DRD2: variants seen among roughly 807,000 people sequenced by gnomAD.
DRD2 encodes the protein dopamine receptor D2.
DRD2 carries 8 observed loss-of-function variants against 38.0 expected under a neutral mutation model. The observed-to-expected ratio is 0.21, with a 90% CI of 0.12 to 0.38. DRD2 has a LOEUF of 0.38. Ranked by LOEUF, DRD2 falls within the 10% of genes least tolerant of loss-of-function variation. The pLI, the probability that DRD2 is intolerant of heterozygous loss-of-function variation, is 1.00. For missense variants in DRD2, 403 were observed against 607.7 expected (o/e 0.66, Z 3.54); for synonymous variants, 230 against 238.6 (o/e 0.96, Z 0.33).
intron 1 of DRD2, among the ~76,000 whole-genome samples, chr11:113,426,773 C>A (rs1950944844): frequency 6.6e-6 from 1 of 152,184 alleles, no homozygotes; most frequent in African/African-American, 2.4e-5. Flanking sequence ...TGCCACCACG[C>A]AGCAAATCTT....
At chr11:113,457,312 T>A (rs557215531) in intron 1 of DRD2, among the ~76,000 whole-genome samples, 32 of 152,114 alleles carry the variant, frequency 2.1e-4, no homozygotes, top group Non-Finnish European at 3.2e-4. Context: ...TATCCACTCA[T>A]CCAATTACAG....
intron 1 of DRD2, among the ~76,000 whole-genome samples, chr11:113,463,526 G>A (rs1375326501): frequency 2.6e-5 from 4 of 152,078 alleles, no homozygotes; most frequent in Non-Finnish European, 5.9e-5. Context: ...TGACAATCTG[G>A]AATGTCTCGT....
intron 1 of DRD2, chr11:113,424,964 ACTT>A: frequency 2.3e-6 from 1 of 435,384 alleles, no homozygotes; most frequent in South Asian, 2.3e-5. Context: ...TTCAACAAAC[ACTT>A]CTTAAGCACG....
At chr11:113,431,029 A>G (rs1044129275) in intron 1 of DRD2, among the ~76,000 whole-genome samples, 7 of 152,208 alleles carry the variant, frequency 4.6e-5, no homozygotes, top group Non-Finnish European at 1.0e-4. Context: ...GATTGTGAAA[A>G]TATGATCAAC....
intron 7 of DRD2, 81 bp downstream of exon 7, chr11:113,412,475 G>T (rs1950777886): frequency 6.5e-7 from 1 of 1,534,354 alleles, no homozygotes; most frequent in South Asian, 1.1e-5. Context: ...CCATGATCCT[G>T]CAGCCATGGT....
At chr11:113,432,319 TCTCTC>T (rs1219064611) in intron 1 of DRD2, among the ~76,000 whole-genome samples, 2 of 149,870 alleles carry the variant, frequency 1.3e-5, no homozygotes, top group East Asian at 3.9e-4. Context: ...TCTCTCTCTC[TCTCTC>T]TCCCTCCCTC....
chr11:113,465,402 G>GTTA, intron 1 of DRD2, among the ~76,000 whole-genome samples: 1 of 121,446 alleles, frequency 8.2e-6, no homozygotes, highest in Non-Finnish European at 1.8e-5. Context: ...GCCAGTTTTT[G>GTTA]TTGTTGTTGT....
chr11:113,449,314 G>T lies in DRD2; in HGVS notation c.-31-24632C>A, dbSNP rs565188380. ...TTCCTGCTGTGCTCCCATAGAGTCT[G>T]ATATGGGAGGCTCTGCCAAGGTAAT... On this transcript the variant is annotated intron_variant, in intron 1 of 7. Coordinates refer to ENST00000362072, the MANE Select transcript of DRD2 (RefSeq NM_000795.4). Among the ~76,000 whole-genome samples, 11 of 152,292 alleles carry T rather than the reference G, an allele frequency of 7.2e-5. No homozygotes were observed. In the East Asian group the frequency reaches 2.1e-3, roughly 29 times the overall value.
At chr11:113,439,763 C>G (rs186937255) in intron 1 of DRD2, among the ~76,000 whole-genome samples, 1 of 130,286 alleles carries the variant, frequency 7.7e-6, no homozygotes, top group South Asian at 2.6e-4. Flanking sequence ...CGCCTGAACC[C>G]GGAAGGTAGA....
intron 1 of DRD2, among the ~76,000 whole-genome samples, chr11:113,452,470 G>A (rs1183855828): frequency 1.0e-4 from 4 of 39,556 alleles, no homozygotes; most frequent in Non-Finnish European, 1.5e-4. Flanking sequence ...GTGTGTGTGT[G>A]CGCGCGCGCG....
intron 6 of DRD2, among the ~76,000 whole-genome samples, chr11:113,413,553 C>G (rs919052286): frequency 2.0e-5 from 3 of 152,222 alleles, no homozygotes; most frequent in African/African-American, 7.2e-5. Context: ...CACTATGTGC[C>G]TAGGTGGCAT....
chr11:113,431,263 T>C (rs1391293715), intron 1 of DRD2, among the ~76,000 whole-genome samples: 1 of 152,218 alleles, frequency 6.6e-6, no homozygotes, highest in African/African-American at 2.4e-5. Context: ...CTGCCAGGCC[T>C]CACTCCAGGG....
At chr11:113,432,806 C>T (rs1174574848) in intron 1 of DRD2, among the ~76,000 whole-genome samples, 1 of 152,168 alleles carries the variant, frequency 6.6e-6, no homozygotes, top group Non-Finnish European at 1.5e-5. Context: ...CTTCTTTTAG[C>T]ATCTCTTGCA....
chr11:113,449,113 C>T (rs76581995), intron 1 of DRD2, among the ~76,000 whole-genome samples: 53 of 152,138 alleles, frequency 3.5e-4, no homozygotes, highest in African/African-American at 4.3e-4. Flanking sequence ...CTGCAGCTGG[C>T]GTTGATCTAG....
chr11:113,412,716 C>T lies in DRD2; in HGVS notation c.978G>A (p.Glu326=), dbSNP rs1382879782. 6.2e-7 allele frequency: 1 copy of T among 1,614,198 alleles called. No individual in the cohort carries two copies. Among genetic ancestry groups the T allele is most frequent in the South Asian group, 1.1e-5 (1 of 91,092 alleles). Residue 326 remains glutamate, a synonymous_variant, in exon 7 of 8, where the codon GAG becomes GAA. Transcript: ENST00000362072. The part of the protein sequence containing the change: ...HSTPDSPAKP[E]KNGHAKDHPK... ...GGTGGTCTTTGGCATGCCCATTCTTCTCTGGTTTGGCGGGGCTGTCGGGAG... is the reference window on the plus strand; with the variant it reads ...GGTGGTCTTTGGCATGCCCATTCTTTTCTGGTTTGGCGGGGCTGTCGGGAG...
In DRD2 at chr11:113,412,556, C is replaced by T. The variant is rs1266326437; in HGVS notation, c.1138G>A (p.Gly380Ser). ...KATQMLAIVL[G>S]VFIICWLPFF... The stretch of plus-strand genomic sequence containing the variant: ...TGGCCAGCAGCCAGGGCCGACTCAC[C>T]GAGAACAATGGCGAGCATCTGAGTG... The change falls in exon 7 of 8, where the codon GGC becomes AGC. Residue 380 changes from glycine to serine, a missense_variant and splice_region_variant. Physicochemically the swap from Gly to Ser is moderately conservative, Grantham distance 56. Coordinates refer to ENST00000362072, the MANE Select transcript of DRD2 (RefSeq NM_000795.4). 4.3e-6 allele frequency: 7 copies of T among 1,612,240 alleles called. No individual in the cohort carries two copies. Among genetic ancestry groups the T allele is most frequent in the African/African-American group, 1.3e-5 (1 of 75,060 alleles).
chr11:113,467,680 A>T (rs1474915848), intron 1 of DRD2, among the ~76,000 whole-genome samples: 2 of 152,234 alleles, frequency 1.3e-5, no homozygotes, highest in African/African-American at 4.8e-5. Context: ...TCCAACCATG[A>T]GGTAGCAGAC....
At chr11:113,434,595 G>A (rs760501543) in intron 1 of DRD2, among the ~76,000 whole-genome samples, 15 of 152,220 alleles carry the variant, frequency 9.9e-5, no homozygotes, top group Non-Finnish European at 1.9e-4. Flanking sequence ...GAGGCACACA[G>A]ATGAAAGTGA....
intron 1 of DRD2, among the ~76,000 whole-genome samples, chr11:113,434,778 C>A (rs1278079765): frequency 7.0e-6 from 1 of 142,262 alleles, no homozygotes; most frequent in African/African-American, 2.9e-5. Context: ...AGGGAGCCAT[C>A]CCCCCCCATC....
Sources: allele counts gnomAD v4.1 joint callset (sites outside exome capture counted in the v4.1 genomes callset), GRCh38; gene constraint gnomAD v4.1.1; transcripts MANE v1.5; gene names NCBI Gene and HGNC (gene_info 2026-07-23, HGNC 2026-07-21).